Variants in PFKFB1 observed in about 807,000 individuals in gnomAD.
PFKFB1 encodes the protein 6-phosphofructo-2-kinase/fructose-2,6-biphosphatase 1.
Under a neutral mutation model 46.4 loss-of-function variants are expected in PFKFB1, and 34 were observed. The ratio of observed to expected loss-of-function variants is 0.73; its 90% confidence interval spans 0.56 to 0.98. The LOEUF is 0.98. Ranked by LOEUF, PFKFB1 falls within the 50% of genes least tolerant of loss-of-function variation. The probability of loss-of-function intolerance (pLI) is 0.00; values close to 1 mark genes in which losing one functional copy is unlikely to be tolerated. For synonymous variants in PFKFB1, 119 were observed against 133.8 expected (o/e 0.89, Z 0.76); for missense variants, 393 against 376.3 (o/e 1.04, Z -0.37).
chrX:54,977,509 G>T (rs1327200025), intron 1 of PFKFB1, among the ~76,000 whole-genome samples: 3 of 111,524 alleles, frequency 2.7e-5, no homozygotes, highest in Non-Finnish European at 5.7e-5. Flanking sequence ...GTAAACAAGG[G>T]AGAAGGTCTA....
chrX:54,987,567 T>C (rs1476881324), intron 1 of PFKFB1, among the ~76,000 whole-genome samples: 1 of 110,887 alleles, frequency 9.0e-6, no homozygotes, highest in Non-Finnish European at 1.9e-5. Flanking sequence ...CCCAGGAATG[T>C]ATAAAAGGAT....
chrX:54,938,274 G>C (rs931501468), intron 10 of PFKFB1, among the ~76,000 whole-genome samples: 3 of 112,107 alleles, frequency 2.7e-5, no homozygotes, highest in Admixed American at 1.9e-4. Context: ...TACGCTCTAA[G>C]TGCAAACTAG....
At chrX:54,974,747 C>G (rs893635716) in intron 1 of PFKFB1, among the ~76,000 whole-genome samples, 56 of 110,841 alleles carry the variant, frequency 5.1e-4, no homozygotes, top group Non-Finnish European at 1.3e-4. Context: ...AAACTCAAAA[C>G]AACTCAGCAA....
chrX:54,955,310 T>C (rs1191427645), intron 7 of PFKFB1, among the ~76,000 whole-genome samples: 1 of 111,446 alleles, frequency 9.0e-6, no homozygotes, highest in Non-Finnish European at 1.9e-5. Flanking sequence ...GGCCACTCTT[T>C]AGATTTCTTA....
chrX:54,971,635 A>G (rs1934663077), intron 1 of PFKFB1, among the ~76,000 whole-genome samples: 1 of 112,036 alleles, frequency 8.9e-6, no homozygotes. Context: ...TTTGTCAAAG[A>G]TCAGATAGTT....
At chrX:54,998,329 G>T, upstream of PFKFB1, 3 of 928,310 alleles carry the variant, frequency 3.2e-6, no homozygotes, top group Middle Eastern at 2.6e-4. Context: ...TCTATGCAAA[G>T]AAAACTTTCC....
chrX:54,989,214 T>TA (rs1297480539), intron 1 of PFKFB1, among the ~76,000 whole-genome samples: 7 of 111,863 alleles, frequency 6.3e-5, no homozygotes, highest in Non-Finnish European at 5.6e-5. Context: ...TGGTGAATTT[T>TA]ATGGTATGTG....
chrX:54,941,254 A>T (rs921185453), intron 10 of PFKFB1, among the ~76,000 whole-genome samples: 14 of 112,177 alleles, frequency 1.2e-4, no homozygotes, highest in Non-Finnish European at 1.7e-4. Context: ...AGATGGATGA[A>T]AGACTTAAAC....
intron 1 of PFKFB1, among the ~76,000 whole-genome samples, chrX:54,966,204 T>C (rs1934469430): frequency 8.9e-6 from 1 of 112,004 alleles, no homozygotes; most frequent in African/African-American, 3.2e-5. Context: ...AAAACATATA[T>C]AGTTGGGTCC....
At chrX:54,945,593 A>C in intron 9 of PFKFB1, 50 bp from the exon 10 acceptor site, 1 of 799,074 alleles carries the variant, frequency 1.3e-6, no homozygotes. Context: ...GAAATTCCAC[A>C]GAGTCTTTGC....
chrX:54,970,166 C>T (rs180876654), intron 1 of PFKFB1, among the ~76,000 whole-genome samples: 2 of 111,106 alleles, frequency 1.8e-5, no homozygotes, highest in East Asian at 5.7e-4. Flanking sequence ...ACCTCAGTCT[C>T]CCAAAGTGCT....
At chrX:54,987,236 A>G (rs978239583) in intron 1 of PFKFB1, among the ~76,000 whole-genome samples, 2 of 111,527 alleles carry the variant, frequency 1.8e-5, no homozygotes, top group African/African-American at 6.5e-5. Context: ...ACAAACTCTC[A>G]AAACTGACTA....
intron 1 of PFKFB1, among the ~76,000 whole-genome samples, chrX:54,991,243 G>T (rs747229927): frequency 1.4e-4 from 16 of 111,235 alleles, no homozygotes; most frequent in Non-Finnish European, 2.6e-4. Context: ...AAATACAGTT[G>T]TATACATTAG....
intron 1 of PFKFB1, among the ~76,000 whole-genome samples, chrX:54,966,599 G>A (rs1934482121): frequency 8.9e-6 from 1 of 111,732 alleles, no homozygotes; most frequent in Admixed American, 9.5e-5. Context: ...AGCAATAGTG[G>A]CCCAGAATGG....
chrX:54,971,538 T>C (rs1207206932), intron 1 of PFKFB1, among the ~76,000 whole-genome samples: 25 of 111,905 alleles, frequency 2.2e-4, no homozygotes, highest in African/African-American at 8.1e-4. Flanking sequence ...AGGGATCCAG[T>C]TTCAGCTTTC....
At chrX:54,966,224 AC>A (rs1203983136) in intron 1 of PFKFB1, among the ~76,000 whole-genome samples, 1 of 112,054 alleles carries the variant, frequency 8.9e-6, no homozygotes. Flanking sequence ...CAATTCTCAG[AC>A]CTTTTATCTC....
In PFKFB1 at chrX:54,973,551, G is replaced by A. The variant is rs751952644; in HGVS notation, c.98-10169C>T. 1.3e-3 allele frequency among the ~76,000 whole-genome samples: 140 copies of A among 111,126 alleles called. 1 individual carries two copies. Among genetic ancestry groups the A allele is most frequent in the African/African-American group, 4.3e-3 (131 of 30,596 alleles). On this transcript the variant is annotated intron_variant, in intron 1 of 13. Transcript: ENST00000375006. ...TTCTGTTATGTTGTGTCTTGTTCTC[G>A]TTGGTTTCAAAGAACATCTTTATTT... is the stretch of plus-strand genomic sequence containing the variant.
At chrX:54,991,108 A>G (rs186306219) in intron 1 of PFKFB1, among the ~76,000 whole-genome samples, 2 of 111,509 alleles carry the variant, frequency 1.8e-5, no homozygotes, top group Non-Finnish European at 3.8e-5. Flanking sequence ...TAGCAGTGTA[A>G]TAATATAAGA....
chrX:54,961,394 A>T (rs1041686636), intron 2 of PFKFB1, among the ~76,000 whole-genome samples: 8 of 111,364 alleles, frequency 7.2e-5, no homozygotes, highest in African/African-American at 2.6e-4. Flanking sequence ...TTCTAGTCCA[A>T]AGTTATTTTA....
Sources: gnomAD v4.1 joint callset for allele counts (sites outside exome capture counted in the v4.1 genomes callset) on GRCh38, gnomAD v4.1.1 for gene constraint, MANE v1.5 for transcripts, NCBI Gene and HGNC (gene_info 2026-07-23, HGNC 2026-07-21) for gene names.